The following MCU variants were observed in gnomAD, a reference collection of about 807,000 sequenced individuals.
MCU encodes mitochondrial calcium uniporter.
Under a neutral mutation model 45.2 loss-of-function variants are expected in MCU, and 12 were observed. The observed-to-expected ratio is 0.27, with a 90% CI of 0.17 to 0.43. The LOEUF (loss-of-function observed/expected upper bound fraction) is 0.43, where lower values mean the gene tolerates loss of function less well. Ranked by LOEUF, MCU falls within the 20% of genes least tolerant of loss-of-function variation. MCU has a pLI of 1.00. For missense variants in MCU, 324 were observed against 436.7 expected (o/e 0.74, Z 2.30); for synonymous variants, 160 against 165.1 (o/e 0.97, Z 0.24).
At chr10:72,707,647 G>GTGTA (rs71021526) in intron 1 of MCU, among the ~76,000 whole-genome samples, 2,775 of 146,982 alleles carry the variant, frequency 0.019, 126 homozygotes, top group African/African-American at 0.061. Context: ...GTGTGTGTGT[G>GTGTA]TTTCCCACCA....
intron 1 of MCU, among the ~76,000 whole-genome samples, chr10:72,706,570 G>A (rs1219637432): frequency 1.4e-5 from 2 of 148,072 alleles, no homozygotes; most frequent in Non-Finnish European, 3.0e-5. Flanking sequence ...ACGGAGTCTC[G>A]CTCTGTCGCC....
chr10:72,874,893 TG>T (rs1845596180), intron 6 of MCU, among the ~76,000 whole-genome samples: 1 of 152,204 alleles, frequency 6.6e-6, no homozygotes. Context: ...ACTGAAGAGG[TG>T]AAGCATTCTT....
chr10:72,859,887 G>GT (rs1845349907), intron 3 of MCU: 1 of 151,948 alleles, frequency 6.6e-6, no homozygotes, highest in African/African-American at 2.4e-5. Context: ...AACTTGAAAG[G>GT]TAAGTACAAT....
intron 1 of MCU, among the ~76,000 whole-genome samples, chr10:72,749,780 T>A (rs1193113309): frequency 3.9e-5 from 6 of 152,072 alleles, no homozygotes; most frequent in Non-Finnish European, 5.9e-5. Flanking sequence ...TTCTTTTTTT[T>A]AAATGAGACG....
At chr10:72,822,876 A>T (rs143849481) in intron 1 of MCU, among the ~76,000 whole-genome samples, 131 of 152,280 alleles carry the variant, frequency 8.6e-4, no homozygotes, top group African/African-American at 3.1e-3. Context: ...GTTGGTAAGG[A>T]TATAGAGAAA....
chr10:72,851,595 C>T (rs897631083), intron 2 of MCU, among the ~76,000 whole-genome samples: 1 of 151,948 alleles, frequency 6.6e-6, no homozygotes, highest in Non-Finnish European at 1.5e-5. Flanking sequence ...GTGCTGAGTC[C>T]TCTTCTGGGT....
At chr10:72,871,106 C>G (rs377546577) in intron 5 of MCU, among the ~76,000 whole-genome samples, 1 of 152,086 alleles carries the variant, frequency 6.6e-6, no homozygotes, top group South Asian at 2.1e-4. Flanking sequence ...CGCCATGTCG[C>G]CCAGGCTGGT....
At chr10:72,857,028 A>C (rs1161410832) in intron 2 of MCU, among the ~76,000 whole-genome samples, 3 of 149,870 alleles carry the variant, frequency 2.0e-5, no homozygotes, top group African/African-American at 7.4e-5. Flanking sequence ...CTCACTGTAG[A>C]TTCAAACTCC....
intron 1 of MCU, among the ~76,000 whole-genome samples, chr10:72,776,858 G>A (rs1843902238): frequency 6.6e-6 from 1 of 152,118 alleles, no homozygotes; most frequent in African/African-American, 2.4e-5. Flanking sequence ...TGATAAATGA[G>A]TTTAGTACAA....
At chr10:72,842,545 T>G (rs1422520315) in intron 2 of MCU, among the ~76,000 whole-genome samples, 1 of 152,202 alleles carries the variant, frequency 6.6e-6, no homozygotes, top group Non-Finnish European at 1.5e-5. Flanking sequence ...TAATATTCAA[T>G]TTACCATGTT....
At chr10:72,870,868 A>G (rs957030973) in intron 5 of MCU, among the ~76,000 whole-genome samples, 3 of 152,142 alleles carry the variant, frequency 2.0e-5, no homozygotes, top group Non-Finnish European at 4.4e-5. Flanking sequence ...TCTAGGTTGA[A>G]ACATAAAATA....
At chr10:72,701,753 G>A (rs936004026) in intron 1 of MCU, among the ~76,000 whole-genome samples, 5 of 151,824 alleles carry the variant, frequency 3.3e-5, no homozygotes, top group Non-Finnish European at 7.4e-5. Context: ...GGATGGTCTC[G>A]ATCTCCTGAC....
At chr10:72,764,954 G>T (rs1843703763) in intron 1 of MCU, among the ~76,000 whole-genome samples, 1 of 151,950 alleles carries the variant, frequency 6.6e-6, no homozygotes, top group Non-Finnish European at 1.5e-5. Flanking sequence ...CCCTTATAAA[G>T]AATTAAATAT....
intron 2 of MCU, among the ~76,000 whole-genome samples, chr10:72,850,345 C>T (rs1195407431): frequency 6.6e-6 from 1 of 152,040 alleles, no homozygotes; most frequent in Non-Finnish European, 1.5e-5. Context: ...AGATCATAAG[C>T]CCCTGAAATC....
chr10:72,694,276 A>G (rs971618006), intron 1 of MCU, among the ~76,000 whole-genome samples: 1 of 152,232 alleles, frequency 6.6e-6, no homozygotes, highest in Non-Finnish European at 1.5e-5. Context: ...TCCATAGGAT[A>G]GTCTGTGATT....
chr10:72,829,014 C>G (rs1844838226), intron 1 of MCU, among the ~76,000 whole-genome samples: 1 of 152,148 alleles, frequency 6.6e-6, no homozygotes, highest in African/African-American at 2.4e-5. Context: ...TCACCTTATT[C>G]ATTTGGCACC....
chr10:72,814,733 A>G lies in MCU; in HGVS notation c.151-19626A>G, dbSNP rs186508914. Among the ~76,000 whole-genome samples the G allele has an allele frequency of 8.5e-5, 13 of 152,360 alleles. No homozygotes were observed. In the East Asian group the frequency reaches 2.5e-3, roughly 29 times the overall value. On this transcript the variant is annotated intron_variant, in intron 1 of 7. Coordinates refer to ENST00000373053, the MANE Select transcript of MCU (RefSeq NM_138357.3). ...TTCCAAGCAATGTACTGATTTCTCT[A>G]AAAGGAAGGGTTATATTATCTTAAG... is the stretch of plus-strand genomic sequence containing the variant.
intron 1 of MCU, among the ~76,000 whole-genome samples, chr10:72,791,900 A>C (rs1381841138): frequency 1.3e-5 from 2 of 151,840 alleles, no homozygotes; most frequent in African/African-American, 4.8e-5. Context: ...TTGCTACCTC[A>C]GTTCCTTTTA....
At chr10:72,838,264 T>C (rs1384604179) in intron 2 of MCU, among the ~76,000 whole-genome samples, 1 of 152,128 alleles carries the variant, frequency 6.6e-6, no homozygotes, top group Non-Finnish European at 1.5e-5. Flanking sequence ...TAGCCTTATC[T>C]AGCTGCTTTT....
Sources: allele counts gnomAD v4.1 joint callset (sites outside exome capture counted in the v4.1 genomes callset), GRCh38; gene constraint gnomAD v4.1.1; transcripts MANE v1.5; gene names NCBI Gene and HGNC (gene_info 2026-07-23, HGNC 2026-07-21).